Variants in ABCB5 observed in about 807,000 individuals in gnomAD.
The protein encoded by ABCB5 is ATP-binding cassette sub-family B member 5.
In ABCB5, 155 loss-of-function variants were observed where a neutral mutation model predicts 144.2. That is an observed-to-expected ratio of 1.08 (90% CI 0.94 to 1.23). The LOEUF is 1.23. ABCB5 is among the 50% of genes most tolerant of loss of function. ABCB5 has a pLI of 0.00. For synonymous variants in ABCB5, 610 were observed against 528.6 expected, an observed-to-expected ratio of 1.15 and a Z score of -2.11; for missense variants, 1,830 against 1,520.8, an observed-to-expected ratio of 1.20 and a Z score of -3.38.
chr7:20,735,228 T>C (rs2128053376), intron 23 of ABCB5, among the ~76,000 whole-genome samples: 1 of 152,310 alleles, frequency 6.6e-6, no homozygotes, highest in East Asian at 1.9e-4. Context: ...TTTATGGGTG[T>C]GTTTCCTAGT....
Position 20,755,975 on chromosome 7 carries a change from G to A in ABCB5, c.*351G>A. On this transcript the variant is annotated 3_prime_UTR_variant, in exon 28 of 28. Coordinates refer to ENST00000404938, the MANE Select transcript of ABCB5 (RefSeq NM_001163941.2). ...GGGGGAATATTATCCAATTAACCATGTTGAAGGTTTTAGCAAAGGCAGTGT... is the reference window on the plus strand; with the variant it reads ...GGGGGAATATTATCCAATTAACCATATTGAAGGTTTTAGCAAAGGCAGTGT... 1 of 264,038 alleles carries A rather than the reference G, an allele frequency of 3.8e-6. No individual in the cohort carries two copies. Among genetic ancestry groups the A allele is most frequent in the Non-Finnish European group, 7.4e-6 (1 of 135,534 alleles). 16.4% of individuals were successfully genotyped at this position (264,038 alleles called of 1,614,324 possible).
chr7:20,726,963 G>A (rs1782056618), intron 21 of ABCB5, 77 bp from the exon 22 acceptor site: 4 of 971,836 alleles, frequency 4.1e-6, no homozygotes, highest in Non-Finnish European at 6.0e-6. Flanking sequence ...CCCAGTGTGA[G>A]TGACTAGAAT....
intron 12 of ABCB5, 23 bp downstream of exon 12, chr7:20,650,170 T>A: frequency 6.2e-7 from 1 of 1,611,700 alleles, no homozygotes; most frequent in East Asian, 2.2e-5. Flanking sequence ...AGCAAAACCA[T>A]GCACAGTCCA....
intron 20 of ABCB5, among the ~76,000 whole-genome samples, chr7:20,714,933 C>T (rs1169629429): frequency 6.6e-6 from 1 of 152,186 alleles, no homozygotes; most frequent in African/African-American, 2.4e-5. Flanking sequence ...ATTTGTCTAG[C>T]GTGGCTCTGT....
At chr7:20,630,101 G>C (rs886584101) in intron 4 of ABCB5, among the ~76,000 whole-genome samples, 2 of 152,028 alleles carry the variant, frequency 1.3e-5, no homozygotes, top group Non-Finnish European at 2.9e-5. Context: ...AAATTCCAGT[G>C]ATTTTCCTAT....
chr7:20,739,946 A>G (rs1782508943), intron 24 of ABCB5, among the ~76,000 whole-genome samples: 1 of 152,198 alleles, frequency 6.6e-6, no homozygotes. Context: ...TAATAGTCTT[A>G]TACAGCTGGG....
At chr7:20,730,627 G>C (rs916159595) in intron 23 of ABCB5, among the ~76,000 whole-genome samples, 1 of 152,140 alleles carries the variant, frequency 6.6e-6, no homozygotes, top group African/African-American at 2.4e-5. Flanking sequence ...TTATATTTAG[G>C]CTTGGGTTTC....
intron 24 of ABCB5, among the ~76,000 whole-genome samples, chr7:20,742,365 C>T (rs570475189): frequency 7.7e-6 from 1 of 129,840 alleles, no homozygotes; most frequent in South Asian, 2.6e-4. Flanking sequence ...CAGAGCTAGA[C>T]CCTTTCTCAA....
chr7:20,650,754 A>G (rs952844706), intron 12 of ABCB5, among the ~76,000 whole-genome samples: 1 of 152,200 alleles, frequency 6.6e-6, no homozygotes, highest in Admixed American at 6.5e-5. Flanking sequence ...ATTTTACTTC[A>G]TAGTTTTCAT....
rs898587519 is a variant in ABCB5 at position 20,626,688 on chromosome 7, T to C, written c.108+77T>C. The C allele has an allele frequency of 3.8e-5, 43 of 1,144,556 alleles. No individual in the cohort carries two copies. The Middle Eastern group carries it at 6.1e-4, about 16-fold the overall frequency. 70.9% of individuals were successfully genotyped at this position (1,144,556 alleles called of 1,614,324 possible). On this transcript the variant is annotated intron_variant, in intron 3 of 27. Transcript: ENST00000404938. ...TCAGTAGTGCATAGAAGATTGTGTT[T>C]ATTAGATTGCATCCACTATTTGTGG...
intron 20 of ABCB5, among the ~76,000 whole-genome samples, chr7:20,706,885 G>A (rs960895309): frequency 2.6e-5 from 4 of 152,110 alleles, no homozygotes; most frequent in South Asian, 4.2e-4. Flanking sequence ...TAAAACAATC[G>A]AAGAAAGATT....
rs192221387 is a variant in ABCB5, at chr7:20,749,092, T to G, written c.3429+3654T>G. Among the ~76,000 whole-genome samples the G allele has an allele frequency of 4.5e-3, 691 of 152,032 alleles. 8 individuals are homozygous for G. Among genetic ancestry groups the G allele is most frequent in the African/African-American group, 0.016 (656 of 41,474 alleles). ...CCTTTCTTTCTCTTTCTTTCTTGCTTGCTTTTCTTGTATTTTCTTCCTTTC... is the reference window on the plus strand; with the variant it reads ...CCTTTCTTTCTCTTTCTTTCTTGCTGGCTTTTCTTGTATTTTCTTCCTTTC... On this transcript the variant is annotated intron_variant, in intron 26 of 27. Coordinates refer to ENST00000404938, the MANE Select transcript of ABCB5 (RefSeq NM_001163941.2).
intron 23 of ABCB5, among the ~76,000 whole-genome samples, chr7:20,734,876 T>A (rs1782334238): frequency 6.6e-6 from 1 of 152,226 alleles, no homozygotes; most frequent in Admixed American, 6.5e-5. Flanking sequence ...TGGTAACACA[T>A]TCTATTTGTT....
At chr7:20,710,116 C>T (rs1449756539) in intron 20 of ABCB5, among the ~76,000 whole-genome samples, 1 of 147,276 alleles carries the variant, frequency 6.8e-6, no homozygotes, top group Admixed American at 6.7e-5. Context: ...GCCTGTAATC[C>T]CAGCACCCAG....
intron 21 of ABCB5, among the ~76,000 whole-genome samples, chr7:20,724,967 CCTT>C (rs1334819603): frequency 6.6e-6 from 1 of 152,082 alleles, no homozygotes; most frequent in East Asian, 1.9e-4. Flanking sequence ...GTTTAGACCT[CCTT>C]GTCTAATTTA....
At chr7:20,687,818 A>G (rs1786051621) in intron 16 of ABCB5, among the ~76,000 whole-genome samples, 1 of 152,308 alleles carries the variant, frequency 6.6e-6, no homozygotes, top group African/African-American at 2.4e-5. Flanking sequence ...TTAGGAGTTC[A>G]AGGCTGCAGT....
chr7:20,694,027 A>C (rs527830725), intron 16 of ABCB5, among the ~76,000 whole-genome samples: 1 of 151,434 alleles, frequency 6.6e-6, no homozygotes, highest in South Asian at 2.1e-4. Context: ...TTTCCCTAAA[A>C]AAAAAAACAA....
At chr7:20,670,072 A>C (rs1004527305) in intron 14 of ABCB5, among the ~76,000 whole-genome samples, 7 of 152,246 alleles carry the variant, frequency 4.6e-5, no homozygotes, top group African/African-American at 1.7e-4. Context: ...TGTTCTTTAA[A>C]ACTATCAAGT....
chr7:20,743,281 G>T (rs1176079879), intron 25 of ABCB5, among the ~76,000 whole-genome samples: 1 of 152,162 alleles, frequency 6.6e-6, no homozygotes, highest in African/African-American at 2.4e-5. Flanking sequence ...AAGCACAAAG[G>T]TCCAAAGATT....
Sources: gnomAD v4.1 joint callset for allele counts (sites outside exome capture counted in the v4.1 genomes callset) on GRCh38, gnomAD v4.1.1 for gene constraint, MANE v1.5 for transcripts, NCBI Gene and HGNC (gene_info 2026-07-23, HGNC 2026-07-21) for gene names.